The following SAMTOR variants were observed in gnomAD, a reference collection of about 807,000 sequenced individuals.
SAMTOR encodes the protein UPF0532 protein C7orf60.
the SAMTOR span, among the ~76,000 whole-genome samples, chr7:112,861,984 C>G: frequency 6.6e-6 from 1 of 152,160 alleles, no homozygotes; most frequent in African/African-American, 2.4e-5. Flanking sequence ...CCAGGTACAG[C>G]GGCTCAGGCC....
At chr7:112,886,358 G>A in the SAMTOR span, among the ~76,000 whole-genome samples, 9 of 152,154 alleles carry the variant, frequency 5.9e-5, no homozygotes, top group African/African-American at 1.7e-4. Context: ...AGAGATAATG[G>A]AATTAGTATT....
the SAMTOR span, among the ~76,000 whole-genome samples, chr7:112,917,382 A>C: frequency 4.6e-5 from 7 of 152,270 alleles, no homozygotes; most frequent in Non-Finnish European, 7.3e-5. Context: ...CCTGCAGCTG[A>C]GGGTCCTGTC....
chr7:112,912,833 G>C, the SAMTOR span, among the ~76,000 whole-genome samples: 1 of 152,046 alleles, frequency 6.6e-6, no homozygotes, highest in Non-Finnish European at 1.5e-5. Flanking sequence ...AAGGAAAAAG[G>C]AAGAAGACTG....
the SAMTOR span, among the ~76,000 whole-genome samples, chr7:112,862,365 A>G: frequency 4.6e-5 from 7 of 152,328 alleles, no homozygotes; most frequent in South Asian, 1.4e-3. Context: ...TGTCATCTCC[A>G]TATTATAACG....
At chr7:112,839,816 T>C in the SAMTOR span, among the ~76,000 whole-genome samples, 1 of 151,818 alleles carries the variant, frequency 6.6e-6, no homozygotes, top group African/African-American at 2.4e-5. Context: ...TACGATACTA[T>C]TAGGCACAAA....
chr7:112,875,416 C>G, the SAMTOR span, among the ~76,000 whole-genome samples: 3 of 152,140 alleles, frequency 2.0e-5, no homozygotes, highest in South Asian at 6.2e-4. Flanking sequence ...TTCCAATAGT[C>G]TCTACCTTTT....
At chr7:112,917,079 G>A in the SAMTOR span, among the ~76,000 whole-genome samples, 17 of 152,258 alleles carry the variant, frequency 1.1e-4, no homozygotes, top group South Asian at 1.7e-3. Context: ...CCTGTCTGAC[G>A]GCTTTGAAGA....
the SAMTOR span, among the ~76,000 whole-genome samples, chr7:112,844,777 C>T: frequency 6.6e-6 from 1 of 152,228 alleles, no homozygotes; most frequent in East Asian, 1.9e-4. Context: ...TAGAAAAGTA[C>T]CCAAATTGCC....
chr7:112,921,287 ACG>A, the SAMTOR span, among the ~76,000 whole-genome samples: 1 of 152,146 alleles, frequency 6.6e-6, no homozygotes, highest in Non-Finnish European at 1.5e-5. Flanking sequence ...CTCAGAAATA[ACG>A]CCGCATATCT....
the SAMTOR span, among the ~76,000 whole-genome samples, chr7:112,910,863 C>G: frequency 1.3e-5 from 2 of 152,004 alleles, no homozygotes; most frequent in Admixed American, 1.3e-4. Context: ...AATTAGGATA[C>G]AGATTATCAG....
chr7:112,825,354 G>A, the SAMTOR span, among the ~76,000 whole-genome samples: 3 of 152,080 alleles, frequency 2.0e-5, no homozygotes, highest in African/African-American at 7.2e-5. Context: ...CTCCTAATTT[G>A]TGGTTTGCAG....
the SAMTOR span, among the ~76,000 whole-genome samples, chr7:112,916,005 T>C: frequency 6.6e-6 from 1 of 152,210 alleles, no homozygotes; most frequent in Non-Finnish European, 1.5e-5. Flanking sequence ...AATTAAGCAA[T>C]GAAGTAAATA....
the SAMTOR span, among the ~76,000 whole-genome samples, chr7:112,902,497 C>T: frequency 6.8e-5 from 10 of 147,850 alleles, no homozygotes; most frequent in East Asian, 4.0e-4. Flanking sequence ...GTGAAAAGGC[C>T]GGCACAAAGG....
chr7:112,837,248 G>A, the SAMTOR span, among the ~76,000 whole-genome samples: 1 of 151,936 alleles, frequency 6.6e-6, no homozygotes, highest in African/African-American at 2.4e-5. Context: ...GAATGTTCTT[G>A]ATGTATAGGA....
chr7:112,839,911 C>T, the SAMTOR span, among the ~76,000 whole-genome samples: 1 of 151,684 alleles, frequency 6.6e-6, no homozygotes, highest in Non-Finnish European at 1.5e-5. Flanking sequence ...TACTCTAAAG[C>T]CTCATGTTTT....
At chr7:112,876,128 T>C in the SAMTOR span, among the ~76,000 whole-genome samples, 1 of 152,036 alleles carries the variant, frequency 6.6e-6, no homozygotes, top group Non-Finnish European at 1.5e-5. Flanking sequence ...GCTTGGCTAT[T>C]TTTTGTATCT....
At chr7:112,929,362 G>C in the SAMTOR span, among the ~76,000 whole-genome samples, 1 of 151,860 alleles carries the variant, frequency 6.6e-6, no homozygotes, top group South Asian at 2.1e-4. Context: ...TAATCATCAG[G>C]AAAATGCAAA....
chr7:112,845,757 C>G, the SAMTOR span, among the ~76,000 whole-genome samples: 1 of 152,148 alleles, frequency 6.6e-6, no homozygotes, highest in South Asian at 2.1e-4. Context: ...GAATACAAAT[C>G]ATTTTACCAT....
At chr7:112,905,496 G>T in the SAMTOR span, among the ~76,000 whole-genome samples, 6 of 151,868 alleles carry the variant, frequency 4.0e-5, no homozygotes, top group Admixed American at 6.6e-5. Context: ...ATCTCATAAA[G>T]ACTACAAAAA....
Sources: gnomAD v4.1 joint callset for allele counts (sites outside exome capture counted in the v4.1 genomes callset) on GRCh38, gnomAD v4.1.1 for gene constraint, MANE v1.5 for transcripts, NCBI Gene and HGNC (gene_info 2026-07-23, HGNC 2026-07-21) for gene names.